The following HERC3 variants were observed in gnomAD, a reference collection of about 807,000 sequenced individuals.
HERC3 encodes probable E3 ubiquitin-protein ligase HERC3.
In HERC3, 58 loss-of-function variants were observed where a neutral mutation model predicts 129.9. That is an observed-to-expected ratio of 0.45 (90% confidence interval 0.36 to 0.56). HERC3 has a LOEUF of 0.56. HERC3 is among the 20% of genes least tolerant of loss of function. HERC3 has a pLI of 0.00. For synonymous variants in HERC3, 430 were observed against 451.0 expected (o/e 0.95, Z 0.59); for missense variants, 835 against 1,244.2 (o/e 0.67, Z 4.95).
intron 3 of HERC3, among the ~76,000 whole-genome samples, chr4:88,628,078 T>C (rs1469620235): frequency 6.6e-6 from 1 of 152,314 alleles, no homozygotes; most frequent in East Asian, 1.9e-4. Context: ...GATGATAGTA[T>C]GTTGTTCATG....
chr4:88,612,446 C>T (rs913768990), intron 3 of HERC3, among the ~76,000 whole-genome samples: 1 of 152,066 alleles, frequency 6.6e-6, no homozygotes, highest in Admixed American at 6.6e-5. Flanking sequence ...GTGTCCATGA[C>T]TCATTTGTGA....
the HERC3 span, chr4:88,527,597 T>C: frequency 1.4e-5 from 3 of 219,406 alleles, no homozygotes; most frequent in Non-Finnish European, 2.7e-5. Context: ...GCTGCAGTTA[T>C]GGGGATGTAC....
At chr4:88,594,531 G>C (rs946998302) in intron 1 of HERC3, among the ~76,000 whole-genome samples, 1 of 152,098 alleles carries the variant, frequency 6.6e-6, no homozygotes, top group Non-Finnish European at 1.5e-5. Context: ...ACCCTCCAAA[G>C]TAGCTGGGAC....
At chr4:88,659,960 A>C (rs2860522) in intron 10 of HERC3, among the ~76,000 whole-genome samples, 8,138 of 152,234 alleles carry the variant, frequency 0.053, 575 homozygotes, top group East Asian at 0.26. Flanking sequence ...AGGGCAGGTT[A>C]AAGTTTAAAC....
At position 88,669,930 on chromosome 4, in the gene HERC3, T is replaced by G; in HGVS notation, c.1704T>G (p.Leu568=). Residue 568 remains leucine (L), a synonymous_variant, in exon 15 of 26, where the codon CTT becomes CTG. Transcript: ENST00000402738. The stretch of plus-strand genomic sequence containing the variant: ...TAAACCTCTATAAAGGTGCAGTCCT[T>G]TATCTACTGAGGGGAAGAAAGACAT... ...KLVNLYKGAV[L]YLLRGRKTFL... The G allele has an allele frequency of 6.2e-7, 1 of 1,613,730 alleles. No individual in the cohort carries two copies. Among genetic ancestry groups the G allele is most frequent in the Non-Finnish European group, 8.5e-7 (1 of 1,179,698 alleles).
the HERC3 span, among the ~76,000 whole-genome samples, chr4:88,565,916 G>T: frequency 6.6e-6 from 1 of 151,400 alleles, no homozygotes; most frequent in Non-Finnish European, 1.5e-5. Flanking sequence ...TTAATTTCTT[G>T]CTTTTTATTT....
At chr4:88,623,287 A>T (rs1320187959) in intron 3 of HERC3, among the ~76,000 whole-genome samples, 2 of 152,206 alleles carry the variant, frequency 1.3e-5, no homozygotes, top group African/African-American at 4.8e-5. Flanking sequence ...TCACTGCTTT[A>T]AAGATTCCAC....
intron 3 of HERC3, among the ~76,000 whole-genome samples, chr4:88,609,903 G>T (rs867236188): frequency 6.6e-6 from 1 of 152,174 alleles, no homozygotes; most frequent in East Asian, 1.9e-4. Context: ...ATTTCTTGAT[G>T]ATATGCTAAA....
chr4:88,681,195 A>G lies in HERC3; in HGVS notation c.2377A>G (p.Ile793Val), dbSNP rs145203881. ...VEHNWFHLIG[I>V]TCGLAIYNST... The stretch of plus-strand genomic sequence containing the variant: ...GCACAACTGGTTTCACTTGATTGGT[A>G]TAACCTGTGGACTAGCTATCTACAA... The change falls in exon 21 of 26, where the codon ATA (isoleucine) becomes GTA (valine). Residue 793 changes from isoleucine (I) to valine (V), a missense_variant. Physicochemically the swap from Ile to Val is conservative, Grantham distance 29. Coordinates refer to ENST00000402738, the MANE Select transcript of HERC3 (RefSeq NM_014606.3). 610 of 1,614,040 alleles carry G rather than the reference A, an allele frequency of 3.8e-4. No individual in the cohort carries two copies. Among genetic ancestry groups the G allele is most frequent in the African/African-American group, 7.1e-4 (53 of 75,064 alleles).
At chr4:88,554,661 T>C in the HERC3 span, among the ~76,000 whole-genome samples, 1 of 152,100 alleles carries the variant, frequency 6.6e-6, no homozygotes, top group Non-Finnish European at 1.5e-5. Flanking sequence ...TGGTTGAGAA[T>C]GGGAAAATTT....
At chr4:88,591,512 A>G (rs541808747), upstream of HERC3, among the ~76,000 whole-genome samples, 16 of 152,304 alleles carry the variant, frequency 1.1e-4, no homozygotes, top group African/African-American at 3.9e-4. Flanking sequence ...TTCAAATGCC[A>G]GGTTATAGAA....
At chr4:88,597,952 T>G (rs1722575346) in intron 2 of HERC3, 1 of 152,222 alleles carries the variant, frequency 6.6e-6, no homozygotes, top group Non-Finnish European at 1.5e-5. Flanking sequence ...GTTACCAGAG[T>G]TAATTCTGCA....
chr4:88,703,760 T>C lies in HERC3; in HGVS notation c.2658-338T>C, dbSNP rs1578357817. ...TTTATTTTAAGCAGAAAAGGTCTTA[T>C]TATTTTTTCCACACTAAATTTTAAG... On this transcript the variant is annotated intron_variant, in intron 23 of 25. Transcript: ENST00000402738. 2.0e-5 allele frequency among the ~76,000 whole-genome samples: 3 copies of C among 152,334 alleles called. 1 individual carries two copies. The highest frequency in any genetic ancestry group is 3.9e-4 in the East Asian group (2 of 5,182).
At chr4:88,559,340 C>T in the HERC3 span, among the ~76,000 whole-genome samples, 2 of 152,108 alleles carry the variant, frequency 1.3e-5, no homozygotes, top group Admixed American at 6.6e-5. Flanking sequence ...ACCTATAATT[C>T]TCATGTCTAC....
intron 23 of HERC3, among the ~76,000 whole-genome samples, chr4:88,699,688 T>A (rs1735149126): frequency 1.3e-5 from 2 of 149,832 alleles, no homozygotes; most frequent in African/African-American, 4.9e-5. Flanking sequence ...TGACAGACTT[T>A]AAAAAAAAAA....
At chr4:88,684,467 C>G (rs915016829) in intron 21 of HERC3, among the ~76,000 whole-genome samples, 1 of 152,100 alleles carries the variant, frequency 6.6e-6, no homozygotes, top group African/African-American at 2.4e-5. Context: ...AAAATTAACT[C>G]AAGATGGATT....
chr4:88,592,978 G>A (rs1461772637), intron 1 of HERC3, among the ~76,000 whole-genome samples: 1 of 152,176 alleles, frequency 6.6e-6, no homozygotes, highest in Non-Finnish European at 1.5e-5. Context: ...CTCGCCCCCT[G>A]CCCCTATTTA....
chr4:88,580,083 C>T, the HERC3 span, among the ~76,000 whole-genome samples: 1 of 151,890 alleles, frequency 6.6e-6, no homozygotes, highest in African/African-American at 2.4e-5. Flanking sequence ...TTTGTTACAG[C>T]AGCAATAGGA....
intron 21 of HERC3, among the ~76,000 whole-genome samples, chr4:88,681,548 A>G (rs1420927475): frequency 6.6e-6 from 1 of 152,214 alleles, no homozygotes; most frequent in Non-Finnish European, 1.5e-5. Flanking sequence ...TAGTTCCAGG[A>G]CAACCTGCAG....
Sources: gnomAD v4.1 joint callset for allele counts (sites outside exome capture counted in the v4.1 genomes callset) on GRCh38, gnomAD v4.1.1 for gene constraint, MANE v1.5 for transcripts, NCBI Gene and HGNC (gene_info 2026-07-23, HGNC 2026-07-21) for gene names.